Variants in RAB1A observed in about 807,000 individuals in gnomAD.
RAB1A encodes RAB1A, member RAS oncogene family.
In RAB1A, 2 loss-of-function variants were observed where a neutral mutation model predicts 26.0. That is an observed-to-expected ratio of 0.08 (90% CI 0.03 to 0.24). The LOEUF (loss-of-function observed/expected upper bound fraction) is 0.24, where lower values mean the gene tolerates loss of function less well. Among genes scored for constraint, RAB1A ranks in the 10% least tolerant of loss-of-function variants. The probability of loss-of-function intolerance (pLI) is 1.00; values close to 1 mark genes in which losing one functional copy is unlikely to be tolerated. For synonymous variants in RAB1A, 84 were observed against 84.9 expected (o/e 0.99, Z 0.06); for missense variants, 100 against 247.0 (o/e 0.40, Z 3.99).
rs1669080423 is a variant in RAB1A at position 65,088,124 on chromosome 2, A to G, written c.*369T>C. The G allele has an allele frequency of 5.7e-6, 1 of 175,310 alleles. No individual in the cohort carries two copies. The allele number at this position is 175,310 out of a possible 1,614,324, so 10.9% of individuals were successfully genotyped here. On this transcript the variant is annotated 3_prime_UTR_variant, in exon 6 of 6. Transcript: ENST00000409784. ...GACACTGCTTGTGCTGTTTGATACA[A>G]AATGGCTGAACTTCATCTTCAGAAG...
chr2:65,129,709 C>G (rs1291878775), intron 1 of RAB1A, among the ~76,000 whole-genome samples, 184 bp downstream of exon 1: 2 of 152,108 alleles, frequency 1.3e-5, no homozygotes, highest in African/African-American at 2.4e-5. Flanking sequence ...CGACCCCTCC[C>G]CCGCGCGGCC....
At chr2:65,109,501 CAA>C (rs1669645187) in intron 1 of RAB1A, among the ~76,000 whole-genome samples, 1 of 151,658 alleles carries the variant, frequency 6.6e-6, no homozygotes, top group Non-Finnish European at 1.5e-5. Context: ...GTCAGGAGTT[CAA>C]GACCAGCCTG....
At chr2:65,117,141 C>T (rs560003463) in intron 1 of RAB1A, among the ~76,000 whole-genome samples, 4 of 147,436 alleles carry the variant, frequency 2.7e-5, no homozygotes, top group South Asian at 2.3e-4. Flanking sequence ...TCACAGTTCA[C>T]GGCAGCCTCC....
chr2:65,124,934 T>C (rs1430976089), intron 1 of RAB1A, among the ~76,000 whole-genome samples: 1 of 152,162 alleles, frequency 6.6e-6, no homozygotes, highest in Non-Finnish European at 1.5e-5. Flanking sequence ...ACTAGTTATC[T>C]TTCTTCTTTA....
intron 1 of RAB1A, among the ~76,000 whole-genome samples, chr2:65,120,443 G>A (rs896975444): frequency 6.5e-5 from 7 of 107,824 alleles, no homozygotes; most frequent in Non-Finnish European, 1.0e-4. Context: ...GGGACAAAGC[G>A]ACACCTTGTC....
At chr2:65,099,617 A>AT (rs1301969578) in intron 2 of RAB1A, among the ~76,000 whole-genome samples, 2 of 152,228 alleles carry the variant, frequency 1.3e-5, no homozygotes, top group African/African-American at 4.8e-5. Flanking sequence ...TAAGTTTTTG[A>AT]TTTTTTCAAT....
rs562625787 is a variant in RAB1A at position 65,109,125 on chromosome 2, T to C, written c.24-4319A>G. ...GTAGTTTATTTCTCAACTGTAAATA[T>C]ACTGAATATTCGTGAGAATTCATTG... On this transcript the variant is annotated intron_variant, in intron 1 of 5. Coordinates refer to ENST00000409784, the MANE Select transcript of RAB1A (RefSeq NM_004161.5). Among the ~76,000 whole-genome samples the C allele has an allele frequency of 1.2e-3, 190 of 152,330 alleles. 1 individual carries two copies. Among genetic ancestry groups the C allele is most frequent in the African/African-American group, 4.5e-3 (188 of 41,582 alleles).
At position 65,106,463 on chromosome 2, in the gene RAB1A, T is replaced by C. The variant is rs151264610; in HGVS notation, c.24-1657A>G. ...ATAAAACTTCTATAAGCGATTATCT[T>C]TGTGAATATTCAACTATTACGTAGG... On this transcript the variant is annotated intron_variant, in intron 1 of 5. Transcript: ENST00000409784. 1.8e-3 allele frequency: 493 copies of C among 278,214 alleles called. 2 individuals carry two copies. The highest frequency in any genetic ancestry group is 0.011 in the African/African-American group (460 of 43,284). The allele number at this position is 278,214 out of a possible 1,614,324, so 17.2% of individuals were successfully genotyped here. A position where few individuals can be genotyped will look rare whatever the true frequency, so the allele number is the denominator to read the frequency against.
At chr2:65,104,981 A>T in intron 1 of RAB1A, 175 bp from the exon 2 acceptor site, 1 of 718,150 alleles carries the variant, frequency 1.4e-6, no homozygotes, top group Non-Finnish European at 2.5e-6. Context: ...CTGACAGATC[A>T]CTAAACATGA....
intron 1 of RAB1A, among the ~76,000 whole-genome samples, chr2:65,113,628 G>A (rs1035717555): frequency 6.6e-6 from 1 of 152,186 alleles, no homozygotes; most frequent in African/African-American, 2.4e-5. Context: ...TTCTATTTAG[G>A]TAAAATTCTT....
At chr2:65,123,742 C>G (rs907688039) in intron 1 of RAB1A, among the ~76,000 whole-genome samples, 2 of 151,876 alleles carry the variant, frequency 1.3e-5, no homozygotes, top group African/African-American at 4.8e-5. Flanking sequence ...GGAAGAATCA[C>G]TTAAACCTGG....
intron 1 of RAB1A, among the ~76,000 whole-genome samples, chr2:65,119,312 C>T (rs970950198): frequency 3.3e-5 from 5 of 152,072 alleles, no homozygotes; most frequent in Non-Finnish European, 7.4e-5. Flanking sequence ...TCGAGACCAG[C>T]GTGGTCAACA....
intron 1 of RAB1A, among the ~76,000 whole-genome samples, chr2:65,118,493 T>C (rs1183487891): frequency 6.6e-6 from 1 of 152,210 alleles, no homozygotes; most frequent in Non-Finnish European, 1.5e-5. Context: ...TGTTTGTTTT[T>C]TTGAGACAGA....
Position 65,126,399 on chromosome 2 carries a change from T to A in RAB1A, c.23+3494A>T, listed in dbSNP as rs1287185183. ...GGCTCACGCCTGTAATCCCAACACT[T>A]TGGGAGGCCAAGGCCCGGGCGACAG... On this transcript the variant is annotated intron_variant, in intron 1 of 5. Transcript: ENST00000409784. Among the ~76,000 whole-genome samples, 3 of 151,620 alleles carry A rather than the reference T, an allele frequency of 2.0e-5. No homozygotes were observed. In the East Asian group the frequency reaches 5.8e-4, roughly 29 times the overall value.
chr2:65,112,436 C>G (rs1296440748), intron 1 of RAB1A, among the ~76,000 whole-genome samples: 1 of 152,074 alleles, frequency 6.6e-6, no homozygotes, highest in African/African-American at 2.4e-5. Flanking sequence ...CATAAGCCAC[C>G]GTACCCAGCC....
At chr2:65,097,079 C>CT (rs1669306516) in intron 3 of RAB1A, among the ~76,000 whole-genome samples, 1 of 151,872 alleles carries the variant, frequency 6.6e-6, no homozygotes, top group Non-Finnish European at 1.5e-5. Context: ...GACAACAAAT[C>CT]TAAGTCTTCT....
rs1250601628 is a variant in RAB1A at position 65,129,922 on chromosome 2, G to C, written c.-7C>G. ...CGGGATTCATGCTGGACATGTCACT[G>C]CAGCTGCCGCCGCCGCCACCGCCGC... On this transcript the variant is annotated 5_prime_UTR_variant, in exon 1 of 6. Transcript: ENST00000409784. The C allele has an allele frequency of 1.3e-6, 2 of 1,587,868 alleles. No individual in the cohort carries two copies. The highest frequency in any genetic ancestry group is 1.7e-6 in the Non-Finnish European group (2 of 1,168,788).
chr2:65,106,847 G>A (rs1288283361), intron 1 of RAB1A, among the ~76,000 whole-genome samples: 1 of 151,448 alleles, frequency 6.6e-6, no homozygotes, highest in South Asian at 2.1e-4. Context: ...TATTGATAAG[G>A]TTCCTTCTTA....
intron 2 of RAB1A, among the ~76,000 whole-genome samples, chr2:65,098,358 C>T (rs1669337799): frequency 6.6e-6 from 1 of 152,018 alleles, no homozygotes; most frequent in African/African-American, 2.4e-5. Context: ...CATCTCTTGC[C>T]AAATTCTTTA....
Sources: allele counts gnomAD v4.1 joint callset (sites outside exome capture counted in the v4.1 genomes callset), GRCh38; gene constraint gnomAD v4.1.1; transcripts MANE v1.5; gene names NCBI Gene and HGNC (gene_info 2026-07-23, HGNC 2026-07-21).